Variants in CHODL observed in about 807,000 individuals in gnomAD.
CHODL encodes the protein chondrolectin.
CHODL carries 29 observed loss-of-function variants against 34.5 expected under a neutral mutation model. The observed-to-expected ratio is 0.84, with a 90% confidence interval of 0.63 to 1.15. The LOEUF (loss-of-function observed/expected upper bound fraction) is 1.15. CHODL is among the 50% of genes most tolerant of loss of function. CHODL has a pLI of 0.00. For synonymous variants in CHODL, 125 were observed against 116.1 expected, an observed-to-expected ratio of 1.08 and a Z score of -0.49; for missense variants, 332 against 332.5, an observed-to-expected ratio of 1.00 and a Z score of 0.01.
intron 2 of CHODL, among the ~76,000 whole-genome samples, chr21:18,134,120 C>A (rs781733189): frequency 6.6e-6 from 1 of 152,070 alleles, no homozygotes; most frequent in Non-Finnish European, 1.5e-5. Context: ...GGCAGGGAGG[C>A]GGGTATAACT....
At chr21:18,149,337 C>A (rs181006308) in intron 2 of CHODL, among the ~76,000 whole-genome samples, 1 of 152,298 alleles carries the variant, frequency 6.6e-6, no homozygotes, top group Non-Finnish European at 1.5e-5. Flanking sequence ...GAGATGAAAG[C>A]GACTGACTGT....
chr21:17,967,611 C>G (rs1019616055), intron 1 of CHODL, among the ~76,000 whole-genome samples: 3 of 152,126 alleles, frequency 2.0e-5, no homozygotes, highest in Non-Finnish European at 4.4e-5. Flanking sequence ...AACATGTTAC[C>G]TCAAAATGTC....
intron 2 of CHODL, among the ~76,000 whole-genome samples, chr21:18,211,145 C>CACACACAT (rs1456944892): frequency 7.3e-6 from 1 of 137,174 alleles, no homozygotes; most frequent in Non-Finnish European, 1.7e-5. Flanking sequence ...CATGGATACA[C>CACACACAT]ACACACACAC....
intron 2 of CHODL, among the ~76,000 whole-genome samples, chr21:18,084,831 T>G (rs2064984140): frequency 6.6e-6 from 1 of 152,064 alleles, no homozygotes; most frequent in Non-Finnish European, 1.5e-5. Context: ...GCTTATTTTT[T>G]GTCTCGATGA....
intron 2 of CHODL, among the ~76,000 whole-genome samples, chr21:18,036,953 A>G (rs1053549770): frequency 6.6e-6 from 1 of 151,934 alleles, no homozygotes; most frequent in African/African-American, 2.4e-5. Flanking sequence ...TTTTGTACCT[A>G]TTTTAATATC....
At chr21:17,921,882 T>C (rs2063185745) in intron 1 of CHODL, among the ~76,000 whole-genome samples, 1 of 152,218 alleles carries the variant, frequency 6.6e-6, no homozygotes, top group African/African-American at 2.4e-5. Flanking sequence ...CTGTGAGTAG[T>C]AATAAGCATT....
At chr21:17,917,552 G>A (rs550602162) in intron 1 of CHODL, among the ~76,000 whole-genome samples, 1 of 151,762 alleles carries the variant, frequency 6.6e-6, no homozygotes, top group East Asian at 2.0e-4. Context: ...GACTCTGGAG[G>A]GGACACTTGG....
At chr21:18,000,079 AT>A (rs1241879586) in intron 1 of CHODL, among the ~76,000 whole-genome samples, 2 of 152,188 alleles carry the variant, frequency 1.3e-5, no homozygotes, top group African/African-American at 4.8e-5. Context: ...ACTTAAAGCG[AT>A]TGCTAAAATA....
At chr21:18,148,036 T>C (rs1283636183) in intron 2 of CHODL, among the ~76,000 whole-genome samples, 1 of 152,090 alleles carries the variant, frequency 6.6e-6, no homozygotes, top group Non-Finnish European at 1.5e-5. Flanking sequence ...GAAGTCCACA[T>C]AAGGAAAGCA....
intron 2 of CHODL, among the ~76,000 whole-genome samples, chr21:18,064,531 G>T (rs554614011): frequency 1.3e-5 from 2 of 152,292 alleles, no homozygotes; most frequent in Admixed American, 1.3e-4. Flanking sequence ...TGGGACATTG[G>T]TCTTTTCCTG....
At chr21:17,926,737 A>G (rs900476326) in intron 1 of CHODL, among the ~76,000 whole-genome samples, 1 of 152,126 alleles carries the variant, frequency 6.6e-6, no homozygotes, top group African/African-American at 2.4e-5. Flanking sequence ...ACAATTCAAG[A>G]TGAGATTTTG....
At chr21:18,174,460 C>T (rs2073281795) in intron 2 of CHODL, among the ~76,000 whole-genome samples, 1 of 151,952 alleles carries the variant, frequency 6.6e-6, no homozygotes, top group Admixed American at 6.6e-5. Context: ...TTAAGGACTA[C>T]ATTGGATTAT....
intron 2 of CHODL, among the ~76,000 whole-genome samples, chr21:18,087,012 C>A (rs1278762081): frequency 6.6e-6 from 1 of 152,176 alleles, no homozygotes; most frequent in African/African-American, 2.4e-5. Context: ...GTTGGGTGAG[C>A]TAGTCCCCAA....
chr21:18,076,989 C>T (rs1427354226), intron 2 of CHODL, among the ~76,000 whole-genome samples: 1 of 152,194 alleles, frequency 6.6e-6, no homozygotes, highest in Non-Finnish European at 1.5e-5. Context: ...TTGTTTGGAA[C>T]CTTGGCGGCC....
At chr21:18,156,259 G>A (rs1255526105) in intron 2 of CHODL, among the ~76,000 whole-genome samples, 1 of 152,130 alleles carries the variant, frequency 6.6e-6, no homozygotes, top group African/African-American at 2.4e-5. Flanking sequence ...TTGAAAATTA[G>A]CATTGGCCTA....
intron 2 of CHODL, among the ~76,000 whole-genome samples, chr21:18,196,972 C>T (rs757109956): frequency 5.3e-5 from 8 of 151,992 alleles, no homozygotes; most frequent in South Asian, 4.1e-4. Context: ...TATGTTCTCA[C>T]GACACACACC....
intron 1 of CHODL, among the ~76,000 whole-genome samples, chr21:17,933,341 A>T (rs1240253146): frequency 6.6e-6 from 1 of 152,184 alleles, no homozygotes; most frequent in Non-Finnish European, 1.5e-5. Context: ...TCATATGGGG[A>T]GAAACCTTGG....
chr21:18,025,378 G>C (rs1048921544), intron 1 of CHODL, among the ~76,000 whole-genome samples: 3 of 152,028 alleles, frequency 2.0e-5, no homozygotes, highest in African/African-American at 4.8e-5. Context: ...GAATGATAGA[G>C]GAAAATAATT....
intron 1 of CHODL, among the ~76,000 whole-genome samples, chr21:17,955,130 T>A (rs1323740233): frequency 7.4e-6 from 1 of 135,440 alleles, no homozygotes; most frequent in African/African-American, 2.5e-5. Context: ...AAAGAGCAGT[T>A]CTTTTCTAAG....
Sources: gnomAD v4.1 joint callset for allele counts (sites outside exome capture counted in the v4.1 genomes callset) on GRCh38, gnomAD v4.1.1 for gene constraint, MANE v1.5 for transcripts, NCBI Gene and HGNC (gene_info 2026-07-23, HGNC 2026-07-21) for gene names.